The following SIPA1L2 variants were observed in gnomAD, a reference collection of about 807,000 sequenced individuals.
The protein encoded by SIPA1L2 is signal-induced proliferation-associated 1-like protein 2.
In SIPA1L2, 56 loss-of-function variants were observed where a neutral mutation model predicts 163.9. The ratio of observed to expected loss-of-function variants is 0.34; its 90% CI spans 0.28 to 0.43. The LOEUF (loss-of-function observed/expected upper bound fraction) is 0.43. Among genes scored for constraint, SIPA1L2 ranks in the 20% least tolerant of loss-of-function variants. The probability of loss-of-function intolerance (pLI) is 1.00; values close to 1 mark genes in which losing one functional copy is unlikely to be tolerated. For missense variants in SIPA1L2, 1,974 were observed against 2,193.5 expected (o/e 0.90, Z 2.00); for synonymous variants, 877 against 865.7 (o/e 1.01, Z -0.23).
chr1:232,469,168 G>A (rs970468725), intron 8 of SIPA1L2, among the ~76,000 whole-genome samples: 2 of 152,188 alleles, frequency 1.3e-5, no homozygotes, highest in Non-Finnish European at 2.9e-5. Context: ...CATTGGTACC[G>A]TGGGTCCGCG....
At chr1:232,579,291 C>A (rs1242980667) in intron 1 of SIPA1L2, among the ~76,000 whole-genome samples, 4 of 151,216 alleles carry the variant, frequency 2.6e-5, no homozygotes, top group African/African-American at 9.7e-5. Flanking sequence ...AAGCCAGCAT[C>A]AAAAAAAAAG....
intron 1 of SIPA1L2, among the ~76,000 whole-genome samples, chr1:232,627,161 G>A (rs1016880219): frequency 6.6e-6 from 1 of 152,106 alleles, no homozygotes; most frequent in Admixed American, 6.5e-5. Flanking sequence ...AAATTGATCA[G>A]AAGTTCAAAA....
chr1:232,428,153 G>A (rs1316918014), intron 17 of SIPA1L2, among the ~76,000 whole-genome samples: 1 of 152,144 alleles, frequency 6.6e-6, no homozygotes, highest in African/African-American at 2.4e-5. Flanking sequence ...GCTGGAGCCA[G>A]GATTTGAGGC....
chr1:232,422,832 T>C (rs1022087982), intron 18 of SIPA1L2, among the ~76,000 whole-genome samples: 6 of 152,222 alleles, frequency 3.9e-5, no homozygotes, highest in Non-Finnish European at 5.9e-5. Context: ...TTCAGCTTTT[T>C]GGGCTGCTCT....
chr1:232,598,410 T>C (rs958735215), intron 1 of SIPA1L2, among the ~76,000 whole-genome samples: 2 of 152,128 alleles, frequency 1.3e-5, no homozygotes, highest in African/African-American at 2.4e-5. Context: ...ACCCTCTCTC[T>C]AAAAGAAAAC....
intron 15 of SIPA1L2, 80 bp from the exon 16 acceptor site, chr1:232,432,551 GGCTTTACT>G: frequency 7.6e-7 from 1 of 1,307,894 alleles, no homozygotes; most frequent in Non-Finnish European, 1.1e-6. Context: ...AGAGCCACAA[GGCTTTACT>G]CAAGTCTTTC....
intron 1 of SIPA1L2, among the ~76,000 whole-genome samples, chr1:232,616,260 A>G (rs564815835): frequency 1.3e-5 from 2 of 152,370 alleles, no homozygotes; most frequent in African/African-American, 4.8e-5. Flanking sequence ...TCTAACATCC[A>G]GCATCACACA....
chr1:232,425,027 CTG>C lies in SIPA1L2; in HGVS notation c.4630+560_4630+561del, dbSNP rs1323028379. On this transcript the variant is annotated intron_variant, in intron 18 of 22. Coordinates refer to ENST00000674635, the MANE Select transcript of SIPA1L2 (RefSeq NM_020808.5). ...ATCATCTAGAAATCGTCAGGTTGAC[CTG>C]TGACTAGTAAGTTGAAATAAGCGGG... Among the ~76,000 whole-genome samples the C allele has an allele frequency of 8.5e-5, 13 of 152,232 alleles. 1 individual carries two copies. Among genetic ancestry groups the C allele is most frequent in the Middle Eastern group, 3.4e-3 (1 of 294 alleles).
At chr1:232,547,497 A>G (rs1252481708) in intron 2 of SIPA1L2, among the ~76,000 whole-genome samples, 3 of 141,298 alleles carry the variant, frequency 2.1e-5, no homozygotes, top group South Asian at 2.2e-4. Flanking sequence ...GTTTCATTCT[A>G]TTCAAGCGTG....
chr1:232,528,801 C>T (rs144738483), intron 2 of SIPA1L2, among the ~76,000 whole-genome samples: 98 of 152,274 alleles, frequency 6.4e-4, no homozygotes, highest in African/African-American at 2.3e-3. Context: ...GGCATACCAC[C>T]CTCAAATAAC....
chr1:232,556,450 C>G (rs1219305983), intron 2 of SIPA1L2, among the ~76,000 whole-genome samples: 3 of 152,146 alleles, frequency 2.0e-5, no homozygotes, highest in Non-Finnish European at 2.9e-5. Context: ...AACACACCAG[C>G]TGATAATTCT....
chr1:232,437,031 A>C (rs1006921039), intron 15 of SIPA1L2, among the ~76,000 whole-genome samples: 2 of 152,216 alleles, frequency 1.3e-5, no homozygotes, highest in Non-Finnish European at 2.9e-5. Context: ...CAGAAATCCA[A>C]TCTAGCACTG....
In SIPA1L2 at chr1:232,465,356, T is replaced by C; in HGVS notation, c.2304A>G (p.Val768=). The C allele has an allele frequency of 6.2e-7, 1 of 1,614,068 alleles. No individual in the cohort carries two copies. Among genetic ancestry groups the C allele is most frequent in the South Asian group, 1.1e-5 (1 of 91,074 alleles). ...PPFGPPIPKG[V]TFPKSAVFRD... ...GGAACACGGCTGACTTTGGAAAAGT[T>C]ACACCTTTGGGAATCGGTGGGCCAA... Residue 768 remains valine (V), a synonymous_variant, in exon 9 of 23, where the codon GTA becomes GTG. Transcript: ENST00000674635. The surrounding 1 kb of genome is among the most constrained non-coding windows in gnomAD (Gnocchi z 4.1).
chr1:232,508,337 C>T (rs1485582856), intron 3 of SIPA1L2, among the ~76,000 whole-genome samples: 1 of 152,108 alleles, frequency 6.6e-6, no homozygotes, highest in African/African-American at 2.4e-5. Context: ...GGCACAGAAC[C>T]GTTTTAGAAC....
At chr1:232,414,939 G>A (rs186213542) in intron 19 of SIPA1L2, among the ~76,000 whole-genome samples, 3 of 152,284 alleles carry the variant, frequency 2.0e-5, no homozygotes, top group Admixed American at 2.0e-4. Context: ...GCAGCTGGAT[G>A]GCTCTTAGAG....
At chr1:232,480,299 AAT>A (rs1665280887) in intron 6 of SIPA1L2, among the ~76,000 whole-genome samples, 1 of 152,174 alleles carries the variant, frequency 6.6e-6, no homozygotes, top group African/African-American at 2.4e-5. Context: ...TGTTATTTTG[AAT>A]ATGTCTTTCC....
Position 232,461,022 on chromosome 1 carries a change from T to C in SIPA1L2, c.2960A>G (p.Gln987Arg), listed in dbSNP as rs1365959282. ...GCAGATCTCCACGAGGCGGCTCCCT[T>C]GGCGAAGGCCAGCCTTCCAGGCAAA... Reference protein sequence around the residue: ...FGFAWKAGLRQGSRLVEICKV... With the variant: ...FGFAWKAGLRRGSRLVEICKV... Residue 987 changes from glutamine to arginine, a missense_variant, in exon 10 of 23, where the codon CAA (glutamine) becomes CGA (arginine). Transcript: ENST00000674635. The C allele has an allele frequency of 1.2e-6, 2 of 1,614,286 alleles. No homozygotes were observed. Among genetic ancestry groups the C allele is most frequent in the East Asian group, 2.2e-5 (1 of 44,884 alleles).
At chr1:232,404,220 C>T in intron 19 of SIPA1L2, 42 bp from the exon 20 acceptor site, 1 of 1,593,568 alleles carries the variant, frequency 6.3e-7, no homozygotes, top group South Asian at 1.1e-5. Flanking sequence ...AGGAGTATCT[C>T]TCTATACTTG....
chr1:232,537,797 T>A (rs1657404476), intron 2 of SIPA1L2, among the ~76,000 whole-genome samples: 1 of 152,236 alleles, frequency 6.6e-6, no homozygotes, highest in African/African-American at 2.4e-5. Context: ...TTAAATGAGC[T>A]GAGGCAGGTA....
Sources: gnomAD v4.1 joint callset for allele counts (sites outside exome capture counted in the v4.1 genomes callset) on GRCh38, gnomAD v4.1.1 for gene constraint, Gnocchi (gnomAD v3.1) non-coding constraint, MANE v1.5 for transcripts, NCBI Gene and HGNC (gene_info 2026-07-23, HGNC 2026-07-21) for gene names.